ACACA: variants seen among roughly 807,000 people sequenced by gnomAD.
ACACA encodes acetyl-CoA carboxylase alpha.
ACACA carries 103 observed loss-of-function variants against 296.1 expected under a neutral mutation model. That is an observed-to-expected ratio of 0.35 (90% confidence interval 0.30 to 0.41). ACACA has a LOEUF of 0.41. Among genes scored for constraint, ACACA ranks in the 10% least tolerant of loss-of-function variants. ACACA has a pLI of 1.00. For missense variants in ACACA, 1,554 were observed against 2,989.7 expected (o/e 0.52, Z 11.20); for synonymous variants, 953 against 1,038.6 (o/e 0.92, Z 1.58).
At chr17:37,123,685 G>A (rs2074633510) in intron 48 of ACACA, among the ~76,000 whole-genome samples, 1 of 152,130 alleles carries the variant, frequency 6.6e-6, no homozygotes, top group African/African-American at 2.4e-5. Flanking sequence ...CCACCCCCTT[G>A]TCACTTGCCT....
At position 37,188,426 on chromosome 17, in the gene ACACA, A is replaced by G. The variant is rs2077619955; in HGVS notation, c.4627T>C (p.Leu1543=). The G allele has an allele frequency of 5.6e-6, 9 of 1,613,816 alleles. No individual in the cohort carries two copies. The highest frequency in any genetic ancestry group is 2.2e-5 in the South Asian group (2 of 91,044). The change falls in exon 39 of 56, where the codon TTG becomes CTG. Residue 1543 remains leucine, a synonymous_variant. Transcript: ENST00000616317. ...TTCAGTTCTGCCTGGAGGACGCGCAATTTCCACAGGCGACTTCCATACCGC... is the reference window on the plus strand; with the variant it reads ...TTCAGTTCTGCCTGGAGGACGCGCAGTTTCCACAGGCGACTTCCATACCGC... ...VMRYGSRLWK[L]RVLQAELKIN... is the part of the protein sequence containing the mutation.
At chr17:37,263,987 G>T in intron 10 of ACACA, 93 bp from the exon 11 acceptor site, 1 of 977,858 alleles carries the variant, frequency 1.0e-6, no homozygotes, top group Non-Finnish European at 1.6e-6. Context: ...ACAAGCAGAT[G>T]TCCAGAAGTG....
chr17:37,278,759 G>T (rs2082378270), intron 5 of ACACA, among the ~76,000 whole-genome samples: 1 of 152,080 alleles, frequency 6.6e-6, no homozygotes, highest in Non-Finnish European at 1.5e-5. Context: ...GCTTGGAGGA[G>T]TTAAGTAACT....
chr17:37,338,998 A>G (rs2048266717), intron 2 of ACACA, among the ~76,000 whole-genome samples: 1 of 151,520 alleles, frequency 6.6e-6, no homozygotes, highest in African/African-American at 2.4e-5. Flanking sequence ...GGTAAAAGGG[A>G]GGGAAAAAGA....
At chr17:37,183,773 C>T (rs1329004529) in intron 39 of ACACA, among the ~76,000 whole-genome samples, 1 of 144,402 alleles carries the variant, frequency 6.9e-6, no homozygotes, top group Non-Finnish European at 1.5e-5. Flanking sequence ...GCCTGGGCGT[C>T]AGAGTGAGAC....
At chr17:37,247,822 A>G in intron 18 of ACACA, 189 bp downstream of exon 18, 1 of 646,124 alleles carries the variant, frequency 1.5e-6, no homozygotes, top group South Asian at 2.0e-5. Context: ...CTGGAGTGGT[A>G]GGGAGACATG....
At chr17:37,340,843 C>A (rs1005328665) in intron 1 of ACACA, among the ~76,000 whole-genome samples, 45 of 152,180 alleles carry the variant, frequency 3.0e-4, no homozygotes, top group African/African-American at 1.0e-3. Flanking sequence ...TGACTGCAGA[C>A]TTGAAGGTCA....
At chr17:37,146,366 G>A (rs746666159) in intron 45 of ACACA, among the ~76,000 whole-genome samples, 1 of 149,628 alleles carries the variant, frequency 6.7e-6, no homozygotes, top group African/African-American at 2.5e-5. Context: ...TGCATTATGG[G>A]AGTATGATAT....
At chr17:37,134,204 C>T (rs1309854669) in intron 45 of ACACA, among the ~76,000 whole-genome samples, 2 of 152,184 alleles carry the variant, frequency 1.3e-5, no homozygotes, top group African/African-American at 4.8e-5. Flanking sequence ...TATCTAGAGA[C>T]ACTGCAGACA....
At chr17:37,185,398 A>ATTTTTTTTTTTT (rs2077488489) in intron 39 of ACACA, among the ~76,000 whole-genome samples, 2 of 50,392 alleles carry the variant, frequency 4.0e-5, no homozygotes, top group African/African-American at 2.0e-4. Flanking sequence ...ATGCCTGGCT[A>ATTTTTTTTTTTT]TTTCTTTTTT....
At chr17:37,088,455 C>CTGTT (rs1446536963) in intron 55 of ACACA, among the ~76,000 whole-genome samples, 1 of 152,132 alleles carries the variant, frequency 6.6e-6, no homozygotes, top group African/African-American at 2.4e-5. Flanking sequence ...GTTCTTTGTA[C>CTGTT]TGTTTTTAAT....
intron 1 of ACACA, among the ~76,000 whole-genome samples, chr17:37,382,657 C>G (rs756296051): frequency 1.3e-5 from 2 of 152,102 alleles, no homozygotes; most frequent in Non-Finnish European, 2.9e-5. Context: ...GTCAAGAGAT[C>G]AGGACCATCC....
At chr17:37,311,721 T>C (rs1420214516) in intron 3 of ACACA, among the ~76,000 whole-genome samples, 2 of 151,570 alleles carry the variant, frequency 1.3e-5, no homozygotes, top group African/African-American at 4.8e-5. Flanking sequence ...AAAAGCTTCA[T>C]ATTAGTTGGG....
rs2078063554 is a variant in ACACA at position 37,197,631 on chromosome 17, A to G, written c.4158+2508T>C. On this transcript the variant is annotated intron_variant, in intron 35 of 55. Coordinates refer to ENST00000616317, the MANE Select transcript of ACACA (RefSeq NM_198834.3). ...TCATGAATGTCAAGCTACCATCAGC[A>G]AAAGAACTCACAGCAGCACCACGAC... 3.9e-5 allele frequency among the ~76,000 whole-genome samples: 6 copies of G among 152,340 alleles called. No homozygotes were observed. In the South Asian group the frequency reaches 1.0e-3, roughly 26 times the overall value.
intron 3 of ACACA, among the ~76,000 whole-genome samples, chr17:37,325,065 G>A (rs1378457993): frequency 6.6e-6 from 1 of 151,116 alleles, no homozygotes; most frequent in Non-Finnish European, 1.5e-5. Flanking sequence ...GCCGGGCATG[G>A]TGGCGCGCAC....
At chr17:37,242,774 C>T (rs1300801164) in intron 22 of ACACA, among the ~76,000 whole-genome samples, 1 of 151,896 alleles carries the variant, frequency 6.6e-6, no homozygotes, top group Non-Finnish European at 1.5e-5. Flanking sequence ...CACGGTGGCT[C>T]ACGCCTGTAA....
At chr17:37,343,820 T>C (rs2048493926) in intron 1 of ACACA, among the ~76,000 whole-genome samples, 1 of 152,034 alleles carries the variant, frequency 6.6e-6, no homozygotes, top group Non-Finnish European at 1.5e-5. Flanking sequence ...CTTGTTCACT[T>C]TGTCATTTAT....
intron 41 of ACACA, among the ~76,000 whole-genome samples, chr17:37,171,816 C>A: frequency 6.6e-6 from 1 of 152,186 alleles, no homozygotes; most frequent in Non-Finnish European, 1.5e-5. Flanking sequence ...TAATTTTACA[C>A]ATGTACACAC....
intron 45 of ACACA, among the ~76,000 whole-genome samples, 185 bp downstream of exon 45, chr17:37,149,679 T>C (rs2075958553): frequency 6.6e-6 from 1 of 152,098 alleles, no homozygotes; most frequent in Admixed American, 6.6e-5. Flanking sequence ...ATGAAATGAA[T>C]GAATGAATGA....
Sources: allele counts gnomAD v4.1 joint callset (sites outside exome capture counted in the v4.1 genomes callset), GRCh38; gene constraint gnomAD v4.1.1; transcripts MANE v1.5; gene names NCBI Gene and HGNC (gene_info 2026-07-23, HGNC 2026-07-21).